Variants in PDK1 observed in about 807,000 individuals in gnomAD.
The protein encoded by PDK1 is [Pyruvate dehydrogenase (acetyl-transferring)] kinase isozyme 1, mitochondrial.
PDK1 carries 39 observed loss-of-function variants against 54.2 expected under a neutral mutation model. The observed-to-expected ratio is 0.72, with a 90% CI of 0.56 to 0.94. The LOEUF (loss-of-function observed/expected upper bound fraction) is 0.94. Ranked by LOEUF, PDK1 falls within the 40% of genes least tolerant of loss-of-function variation. PDK1 has a pLI of 0.00. For synonymous variants in PDK1, 221 were observed against 207.1 expected, an observed-to-expected ratio of 1.07 and a Z score of -0.58; for missense variants, 552 against 566.0, an observed-to-expected ratio of 0.98 and a Z score of 0.25.
chr2:172,663,963 T>C, the PDK1 span, among the ~76,000 whole-genome samples: 1 of 67,808 alleles, frequency 1.5e-5, no homozygotes, highest in South Asian at 8.4e-4. Flanking sequence ...TGCCACCATA[T>C]GTGGCTTTTT....
intron 9 of PDK1, among the ~76,000 whole-genome samples, chr2:172,590,551 G>C (rs1270565377): frequency 6.6e-6 from 1 of 152,156 alleles, no homozygotes; most frequent in African/African-American, 2.4e-5. Flanking sequence ...GTGGGTTCAT[G>C]GTCTCGCTGA....
the PDK1 span, among the ~76,000 whole-genome samples, chr2:172,660,247 CTTTT>C: frequency 6.8e-5 from 3 of 44,218 alleles, no homozygotes; most frequent in African/African-American, 9.7e-5. Flanking sequence ...CTCTCTCTCT[CTTTT>C]TTTTTTTTTT....
At chr2:172,613,954 G>T in the PDK1 span, among the ~76,000 whole-genome samples, 1 of 152,106 alleles carries the variant, frequency 6.6e-6, no homozygotes, top group African/African-American at 2.4e-5. Flanking sequence ...GCCAGGAACA[G>T]GCAGGATCTG....
At chr2:172,595,540 G>C (rs1239797943) in intron 10 of PDK1, among the ~76,000 whole-genome samples, 1 of 151,982 alleles carries the variant, frequency 6.6e-6, no homozygotes, top group East Asian at 1.9e-4. Flanking sequence ...CTCTGATCTG[G>C]GTCATGTTTT....
At chr2:172,653,116 A>G in the PDK1 span, among the ~76,000 whole-genome samples, 1 of 152,210 alleles carries the variant, frequency 6.6e-6, no homozygotes, top group Admixed American at 6.5e-5. Flanking sequence ...CTGGTACCAA[A>G]ACAGAGATAT....
upstream of PDK1, chr2:172,555,872 G>A (rs1011541896): frequency 2.6e-5 from 8 of 310,788 alleles, no homozygotes; most frequent in Middle Eastern, 8.7e-4. Flanking sequence ...GGCGGCTGCG[G>A]CCTGGCGCGC....
the PDK1 span, among the ~76,000 whole-genome samples, chr2:172,706,720 C>A: frequency 2.0e-5 from 3 of 152,322 alleles, no homozygotes; most frequent in South Asian, 4.1e-4. Flanking sequence ...TGAGCACCCA[C>A]GCTGGGCTTC....
the PDK1 span, among the ~76,000 whole-genome samples, chr2:172,613,750 G>T: frequency 6.6e-6 from 1 of 152,184 alleles, no homozygotes; most frequent in African/African-American, 2.4e-5. Flanking sequence ...GGGAAGTGTG[G>T]CTGGGGCTGC....
chr2:172,621,688 A>C, the PDK1 span, among the ~76,000 whole-genome samples: 1 of 147,656 alleles, frequency 6.8e-6, no homozygotes, highest in African/African-American at 2.5e-5. Context: ...ATGTTTATAT[A>C]TCATATATAT....
intron 8 of PDK1, among the ~76,000 whole-genome samples, chr2:172,577,206 CTCTTA>C (rs1433716197): frequency 6.6e-6 from 1 of 151,954 alleles, no homozygotes; most frequent in Admixed American, 6.5e-5. Flanking sequence ...ACTATTTTGT[CTCTTA>C]TAACAGTTTT....
the PDK1 span, among the ~76,000 whole-genome samples, chr2:172,658,281 G>T: frequency 2.0e-5 from 3 of 152,170 alleles, no homozygotes; most frequent in Non-Finnish European, 4.4e-5. Flanking sequence ...AACATAAATT[G>T]TGAAGATTTC....
the PDK1 span, among the ~76,000 whole-genome samples, chr2:172,719,252 G>T: frequency 6.6e-6 from 1 of 152,154 alleles, no homozygotes; most frequent in Non-Finnish European, 1.5e-5. Flanking sequence ...GCATTTGGAG[G>T]TTATGAATAG....
chr2:172,713,909 C>T, the PDK1 span, among the ~76,000 whole-genome samples: 1 of 152,254 alleles, frequency 6.6e-6, no homozygotes, highest in African/African-American at 2.4e-5. Flanking sequence ...GCCACTGCTG[C>T]CATCACTATT....
At chr2:172,648,762 C>G in the PDK1 span, among the ~76,000 whole-genome samples, 1 of 152,184 alleles carries the variant, frequency 6.6e-6, no homozygotes, top group Non-Finnish European at 1.5e-5. Context: ...GATTGAACTA[C>G]AAGGCCACAG....
the PDK1 span, among the ~76,000 whole-genome samples, chr2:172,690,137 T>C: frequency 3.7e-4 from 56 of 150,032 alleles, no homozygotes; most frequent in African/African-American, 1.3e-3. Flanking sequence ...CTACAAAGAA[T>C]TCAAACAAAT....
chr2:172,670,350 A>T, the PDK1 span, among the ~76,000 whole-genome samples: 2 of 152,226 alleles, frequency 1.3e-5, no homozygotes, highest in African/African-American at 4.8e-5. Flanking sequence ...CTGCAAAAAT[A>T]TTGACAATTA....
chr2:172,558,743 T>A lies in PDK1; in HGVS notation c.232T>A (p.Phe78Ile). Residue 78 changes from phenylalanine to isoleucine, a missense_variant, in exon 2 of 11, where the codon TTT becomes ATT. Phe to Ile is a conservative substitution (Grantham distance 21). Transcript: ENST00000282077. ...TGCTTGTGAAAAGACCTCATTTATG[T>A]TTCTGCGGCAAGAGTTGCCTGTCAG... ...VNACEKTSFM[F>I]LRQELPVRLA... is the part of the protein sequence containing the mutation. 6.2e-7 allele frequency: 1 copy of A among 1,610,838 alleles called. No individual in the cohort carries two copies. The highest frequency in any genetic ancestry group is 8.5e-7 in the Non-Finnish European group (1 of 1,179,102).
At chr2:172,676,694 G>A in the PDK1 span, among the ~76,000 whole-genome samples, 5 of 152,330 alleles carry the variant, frequency 3.3e-5, no homozygotes, top group East Asian at 9.6e-4. Flanking sequence ...AAAGGATTTA[G>A]AATATTACAT....
the PDK1 span, among the ~76,000 whole-genome samples, chr2:172,656,502 C>T: frequency 1.3e-5 from 2 of 152,242 alleles, no homozygotes; most frequent in South Asian, 2.1e-4. Context: ...TTTTTCTTCC[C>T]CAGGTTGATT....
Sources: gnomAD v4.1 joint callset for allele counts (sites outside exome capture counted in the v4.1 genomes callset) on GRCh38, gnomAD v4.1.1 for gene constraint, MANE v1.5 for transcripts, NCBI Gene and HGNC (gene_info 2026-07-23, HGNC 2026-07-21) for gene names.